MYH15: variants seen among roughly 807,000 people sequenced by gnomAD.
The protein encoded by MYH15 is myosin-15.
In MYH15, 227 loss-of-function variants were observed where a neutral mutation model predicts 240.5. That is an observed-to-expected ratio of 0.94 (90% confidence interval 0.85 to 1.05). The LOEUF (loss-of-function observed/expected upper bound fraction) is 1.05. MYH15 is among the 50% of genes least tolerant of loss of function. The pLI is 0.00. For missense variants in MYH15, 2,217 were observed against 2,247.5 expected, an observed-to-expected ratio of 0.99 and a Z score of 0.27; for synonymous variants, 785 against 796.7, an observed-to-expected ratio of 0.99 and a Z score of 0.25.
chr3:108,410,572 G>A lies in MYH15; in HGVS notation c.4495+11C>T. The A allele has an allele frequency of 6.4e-7, 1 of 1,561,048 alleles. No individual in the cohort carries two copies. The highest frequency in any genetic ancestry group is 1.2e-5 in the South Asian group (1 of 84,186). On this transcript the variant is annotated intron_variant, in intron 31 of 40. Transcript: ENST00000693548. ...CGCTCTGGCTTTGGCTCTGAGCCCA[G>A]CTCGGTGTACCTTGGAGGTTCTTGT...
intron 33 of MYH15, among the ~76,000 whole-genome samples, 183 bp from the exon 34 acceptor site, chr3:108,399,450 AGTGAGTATAT>A (rs2082488014): frequency 6.6e-6 from 1 of 152,392 alleles, no homozygotes; most frequent in African/African-American, 2.4e-5. Context: ...AAGTTAGGTT[AGTGAGTATAT>A]GTCCACCATA....
intron 18 of MYH15, 35 bp from the exon 19 acceptor site, chr3:108,456,918 C>T (rs773110817): frequency 6.7e-7 from 1 of 1,484,496 alleles, no homozygotes; most frequent in Non-Finnish European, 9.3e-7. Flanking sequence ...GGATCTGTGC[C>T]TGAAAAAAAA....
chr3:108,435,296 A>AT (rs981176717), intron 25 of MYH15, among the ~76,000 whole-genome samples: 1 of 152,106 alleles, frequency 6.6e-6, no homozygotes, highest in Non-Finnish European at 1.5e-5. Context: ...TTTTATTCTA[A>AT]TTTTTTAAAA....
chr3:108,384,917 T>G, intron 38 of MYH15, 135 bp from the exon 39 acceptor site: 1 of 709,772 alleles, frequency 1.4e-6, no homozygotes, highest in Non-Finnish European at 2.3e-6. Flanking sequence ...TAACAATGGG[T>G]TTAACTCACC....
At chr3:108,513,676 G>T (rs1056372625), upstream of MYH15, among the ~76,000 whole-genome samples, 3 of 152,084 alleles carry the variant, frequency 2.0e-5, no homozygotes, top group Non-Finnish European at 2.9e-5. Context: ...AGTGAATAGG[G>T]ACATATGGAC....
Position 108,391,877 on chromosome 3 carries a change from C to T in MYH15, c.5313G>A (p.Leu1771=). 7 of 1,614,110 alleles carry T rather than the reference C, an allele frequency of 4.3e-6. No homozygotes were observed. The highest frequency in any genetic ancestry group is 5.9e-6 in the Non-Finnish European group (7 of 1,179,998). The change falls in exon 37 of 41, where the codon TTG becomes TTA. Residue 1771 remains leucine, a synonymous_variant. Transcript: ENST00000693548. ...LKKKQDTIAH[L]ERTRENMEQT... ...GCTCCATATTTTCTCTTGTCCTTTC[C>T]AAGTGGGCAATGGTGTCTTGCTTCT... is the stretch of plus-strand genomic sequence containing the variant.
In MYH15 at chr3:108,383,675, T is replaced by G; in HGVS notation, c.5686A>C (p.Asn1896His). The G allele has an allele frequency of 6.2e-7, 1 of 1,611,312 alleles. No individual in the cohort carries two copies. Among genetic ancestry groups the G allele is most frequent in the Non-Finnish European group, 8.5e-7 (1 of 1,178,830 alleles). The change falls in exon 40 of 41, where the codon AAT (asparagine) becomes CAT (histidine). Residue 1896 changes from asparagine to histidine, a missense_variant. Physicochemically the swap from Asn to His is moderately conservative, Grantham distance 68. Coordinates refer to ENST00000693548, the MANE Select transcript of MYH15 (RefSeq NM_014981.3). ...SKYKKQQHEL[N>H]EVKERAEVAE... ...ACCTCTGCCCTTTCCTTCACTTCATTCAACTCATGTTGCTGTTTCTTATAC... is the reference window on the plus strand; with the variant it reads ...ACCTCTGCCCTTTCCTTCACTTCATGCAACTCATGTTGCTGTTTCTTATAC...
intron 14 of MYH15, among the ~76,000 whole-genome samples, chr3:108,466,486 G>A (rs1447873237): frequency 6.6e-6 from 1 of 152,158 alleles, no homozygotes; most frequent in Admixed American, 6.5e-5. Flanking sequence ...CATTATGTGT[G>A]CCTTGACATC....
At chr3:108,512,817 A>G (rs1043912583), upstream of MYH15, among the ~76,000 whole-genome samples, 3 of 152,168 alleles carry the variant, frequency 2.0e-5, no homozygotes, top group African/African-American at 7.2e-5. Context: ...AAAGGTGTAC[A>G]AAGAACAGAA....
intron 3 of MYH15, 58 bp from the exon 4 acceptor site, chr3:108,500,332 C>G: frequency 6.5e-7 from 1 of 1,533,466 alleles, no homozygotes; most frequent in Non-Finnish European, 8.8e-7. Context: ...CCAGGTTTGT[C>G]AGCTCTTCCA....
At chr3:108,544,536 T>C in the MYH15 span, among the ~76,000 whole-genome samples, 1 of 152,170 alleles carries the variant, frequency 6.6e-6, no homozygotes, top group East Asian at 1.9e-4. Flanking sequence ...AGCTCAGGGA[T>C]AGCAGCAATT....
intron 7 of MYH15, 90 bp downstream of exon 7, chr3:108,495,690 T>G (rs2603140): frequency 1 from 880,048 of 880,394 alleles, 439,851 homozygotes; most frequent in Middle Eastern, 1. Flanking sequence ...TGGTGTTCTA[T>G]AATTTTTTCA....
chr3:108,423,298 C>G (rs186870750), intron 27 of MYH15, among the ~76,000 whole-genome samples: 1 of 152,338 alleles, frequency 6.6e-6, no homozygotes, highest in East Asian at 1.9e-4. Context: ...TGGCTATTCT[C>G]TGAAAGACTA....
rs138256783 is a variant in MYH15 at position 108,420,499 on chromosome 3, G to A, written c.3829+589C>T. ...CAAGTCTTTCCAGAATTAATAAGGT[G>A]TTCCAGGCAGAGTAAACAGCTAGGG... On this transcript the variant is annotated intron_variant, in intron 28 of 40. Transcript: ENST00000693548. 4.0e-3 allele frequency among the ~76,000 whole-genome samples: 612 copies of A among 152,290 alleles called. 2 individuals carry two copies. Among genetic ancestry groups the A allele is most frequent in the Middle Eastern group, 0.01 (3 of 294 alleles).
Position 108,501,568 on chromosome 3 carries a change from TAAG to T in MYH15, c.339+141_339+143del, listed in dbSNP as rs1414257411. 2.5e-5 allele frequency: 25 copies of T among 999,538 alleles called. No homozygotes were observed. The South Asian group carries it at 4.2e-4, about 17-fold the overall frequency. 61.9% of individuals were successfully genotyped at this position (999,538 alleles called of 1,614,324 possible). The stretch of plus-strand genomic sequence containing the variant: ...AAATAAAATTGGGGAAATGCTAAGA[TAAG>T]GTCCCTTCCCAGTAGACATTGCTCA... On this transcript the variant is annotated intron_variant, in intron 3 of 40. Coordinates refer to ENST00000693548, the MANE Select transcript of MYH15 (RefSeq NM_014981.3).
At chr3:108,542,868 C>T in the MYH15 span, among the ~76,000 whole-genome samples, 21 of 149,864 alleles carry the variant, frequency 1.4e-4, no homozygotes, top group African/African-American at 5.2e-4. Context: ...CTGCAAATGA[C>T]ATGATCTCGT....
intron 35 of MYH15, 76 bp from the exon 36 acceptor site, chr3:108,394,232 C>G (rs2082442493): frequency 1.3e-6 from 2 of 1,582,474 alleles, no homozygotes; most frequent in South Asian, 1.1e-5. Context: ...TCAGGACATG[C>G]AATGGGAGTC....
At chr3:108,388,474 A>AT (rs1418732735) in intron 38 of MYH15, among the ~76,000 whole-genome samples, 2 of 152,116 alleles carry the variant, frequency 1.3e-5, no homozygotes, top group Non-Finnish European at 2.9e-5. Flanking sequence ...TCTCTTTAGT[A>AT]TTTTGTTTCC....
In MYH15 at chr3:108,470,211, T is replaced by C. The variant is rs1287746933; in HGVS notation, c.1385A>G (p.Tyr462Cys). Reference protein sequence around the residue: ...LDITGFEILEYNSLEQLCINF... With the variant: ...LDITGFEILECNSLEQLCINF... ...AATGCAAAGTTGCTCAAGGCTATTATACTTCAAGGATATGAATAGGTAAGA... is the reference window on the plus strand; with the variant it reads ...AATGCAAAGTTGCTCAAGGCTATTACACTTCAAGGATATGAATAGGTAAGA... The change falls in exon 14 of 41, where the codon TAT (tyrosine) becomes TGT (cysteine). Residue 462 changes from tyrosine (Y) to cysteine (C), a missense_variant and splice_region_variant. Transcript: ENST00000693548. The C allele has an allele frequency of 1.9e-6, 3 of 1,596,026 alleles. No individual in the cohort carries two copies. The highest frequency in any genetic ancestry group is 2.6e-6 in the Non-Finnish European group (3 of 1,170,896).
Sources: allele counts gnomAD v4.1 joint callset (sites outside exome capture counted in the v4.1 genomes callset), GRCh38; gene constraint gnomAD v4.1.1; transcripts MANE v1.5; gene names NCBI Gene and HGNC (gene_info 2026-07-23, HGNC 2026-07-21).